AKAP13: variants seen among roughly 807,000 people sequenced by gnomAD.
AKAP13 encodes A-kinase anchoring protein 13.
In AKAP13, 80 loss-of-function variants were observed where a neutral mutation model predicts 264.5. The ratio of observed to expected loss-of-function variants is 0.30; its 90% CI spans 0.25 to 0.36. The LOEUF (loss-of-function observed/expected upper bound fraction) is 0.36, where lower values mean the gene tolerates loss of function less well. Among genes scored for constraint, AKAP13 ranks in the 10% least tolerant of loss-of-function variants. The pLI, the probability that AKAP13 is intolerant of heterozygous loss-of-function variation, is 1.00. For synonymous variants in AKAP13, 1,380 were observed against 1,250.2 expected, an observed-to-expected ratio of 1.10 and a Z score of -2.19; for missense variants, 3,712 against 3,435.2, an observed-to-expected ratio of 1.08 and a Z score of -2.01.
Position 85,727,363 on chromosome 15 carries a change from T to C in AKAP13, c.7005-18T>C. 3 of 1,614,158 alleles carry C rather than the reference T, an allele frequency of 1.9e-6. No individual in the cohort carries two copies. The highest frequency in any genetic ancestry group is 2.5e-6 in the Non-Finnish European group (3 of 1,179,992). ...CATCTTAGGAATTTTTTGTTCTGTC[T>C]TGTTTGGGTTGTATTAGGAACAGAG... On this transcript the variant is annotated intron_variant, in intron 28 of 36. Coordinates refer to ENST00000394518, the MANE Select transcript of AKAP13 (RefSeq NM_007200.5). This position sits in a 1 kb window ranked among gnomAD's most constrained non-coding sequence, Gnocchi z 5.3.
At chr15:85,620,694 A>C (rs1419394031) in intron 8 of AKAP13, among the ~76,000 whole-genome samples, 1 of 152,146 alleles carries the variant, frequency 6.6e-6, no homozygotes, top group African/African-American at 2.4e-5. Flanking sequence ...CAATAAACCT[A>C]TCTATTAAGG....
At chr15:85,412,022 A>G (rs2071995810) in intron 1 of AKAP13, among the ~76,000 whole-genome samples, 1 of 152,230 alleles carries the variant, frequency 6.6e-6, no homozygotes, top group Non-Finnish European at 1.5e-5. Flanking sequence ...GATTTTTGAT[A>G]TTGTATAATG....
intron 1 of AKAP13, among the ~76,000 whole-genome samples, chr15:85,458,324 G>A (rs1343904394): frequency 2.0e-5 from 3 of 150,256 alleles, no homozygotes; most frequent in Non-Finnish European, 3.0e-5. Context: ...TAATTTCTAG[G>A]AATAATCACT....
chr15:85,415,134 G>T, intron 1 of AKAP13: 1 of 734,484 alleles, frequency 1.4e-6, no homozygotes, highest in South Asian at 1.6e-5. Flanking sequence ...AGGAGTTTCA[G>T]AGGGAAATAC....
At chr15:85,598,033 A>G (rs971856044) in intron 8 of AKAP13, among the ~76,000 whole-genome samples, 2 of 152,204 alleles carry the variant, frequency 1.3e-5, no homozygotes, top group African/African-American at 2.4e-5. Flanking sequence ...TATGAAAATA[A>G]TAACTCAAGG....
intron 1 of AKAP13, among the ~76,000 whole-genome samples, chr15:85,408,932 C>A (rs1447292942): frequency 6.6e-6 from 1 of 151,704 alleles, no homozygotes; most frequent in Non-Finnish European, 1.5e-5. Context: ...TACCATTTTA[C>A]ATTTCTAACA....
rs1196077573 is a variant in AKAP13 at position 85,580,066 on chromosome 15, A to T, written c.1998A>T (p.Ala666=). The change falls in exon 7 of 37, where the codon GCA becomes GCT. Residue 666 remains alanine, a synonymous_variant. Coordinates refer to ENST00000394518, the MANE Select transcript of AKAP13 (RefSeq NM_007200.5). ...ACGATAAACTTTGTGCAGACTCTGCATGTCAACAGAACACAGTGACTTCTA... is the reference window on the plus strand; with the variant it reads ...ACGATAAACTTTGTGCAGACTCTGCTTGTCAACAGAACACAGTGACTTCTA... ...TGDDKLCADS[A]CQQNTVTSSG... is the part of the protein sequence containing the mutation. The T allele has an allele frequency of 6.2e-7, 1 of 1,614,116 alleles. No individual in the cohort carries two copies. Among genetic ancestry groups the T allele is most frequent in the East Asian group, 2.2e-5 (1 of 44,900 alleles).
In AKAP13 at chr15:85,579,524, C is replaced by G. The variant is rs2079114871; in HGVS notation, c.1456C>G (p.Leu486Val). 1 of 1,614,134 alleles carries G rather than the reference C, an allele frequency of 6.2e-7. No individual in the cohort carries two copies. The highest frequency in any genetic ancestry group is 1.7e-5 in the Admixed American group (1 of 60,016). ...PDTAGEMEHG[L>V]MNPDATVWKN... ...CACTGCAGGGGAAATGGAACATGGG[C>G]TCATGAACCCAGATGCCACTGTTTG... The change falls in exon 7 of 37, where the codon CTC becomes GTC. Residue 486 changes from leucine to valine, a missense_variant. Transcript: ENST00000394518.
intron 31 of AKAP13, 136 bp from the exon 32 acceptor site, chr15:85,735,424 C>T: frequency 1.1e-6 from 1 of 918,572 alleles, no homozygotes; most frequent in South Asian, 1.8e-5. Context: ...TTAGCTGCCA[C>T]CAAGCAGCTC....
At chr15:85,590,779 G>A (rs1226628078) in intron 8 of AKAP13, among the ~76,000 whole-genome samples, 2 of 152,110 alleles carry the variant, frequency 1.3e-5, no homozygotes, top group Non-Finnish European at 2.9e-5. Context: ...CCACCTGTAT[G>A]CTTTACTGGT....
chr15:85,607,174 T>G (rs775085873), intron 8 of AKAP13, among the ~76,000 whole-genome samples: 2 of 152,112 alleles, frequency 1.3e-5, no homozygotes, highest in Non-Finnish European at 2.9e-5. Flanking sequence ...AGTAGTTCCT[T>G]TATTCTTAGT....
chr15:85,511,944 T>C (rs528473650), intron 2 of AKAP13, among the ~76,000 whole-genome samples: 1 of 152,212 alleles, frequency 6.6e-6, no homozygotes, highest in Admixed American at 6.5e-5. Flanking sequence ...TTCTTTTTCC[T>C]TCTTAGGACG....
At chr15:85,604,952 A>G (rs1313722693) in intron 8 of AKAP13, among the ~76,000 whole-genome samples, 2 of 152,196 alleles carry the variant, frequency 1.3e-5, no homozygotes, top group African/African-American at 4.8e-5. Flanking sequence ...TAGGGCAGTC[A>G]GAAGAGAGAT....
rs148119558 is a variant in AKAP13 at position 85,658,635 on chromosome 15, G to A, written c.4799+45G>A. 1.3e-5 allele frequency: 20 copies of A among 1,533,006 alleles called. No individual in the cohort carries two copies. In the Admixed American group the frequency reaches 1.4e-4, roughly 10 times the overall value. The allele number at this position is 1,533,006 out of a possible 1,614,324, so 95.0% of individuals were successfully genotyped here. On this transcript the variant is annotated intron_variant, in intron 12 of 36. Coordinates refer to ENST00000394518, the MANE Select transcript of AKAP13 (RefSeq NM_007200.5). ...GATGGACTAACCATGTCACCTCTGA[G>A]CATATACTAACAAGCATCTCATTCT...
chr15:85,673,433 A>G (rs376998610), intron 14 of AKAP13, among the ~76,000 whole-genome samples: 6 of 152,098 alleles, frequency 3.9e-5, no homozygotes, highest in African/African-American at 1.4e-4. Context: ...TCGCAGTAGC[A>G]CAGGTGCTGG....
At chr15:85,492,120 TTAA>T (rs1298253904) in intron 2 of AKAP13, among the ~76,000 whole-genome samples, 1 of 152,216 alleles carries the variant, frequency 6.6e-6, no homozygotes, top group Non-Finnish European at 1.5e-5. Context: ...GTCATAGCAC[TTAA>T]TATTATAGAG....
intron 3 of AKAP13, among the ~76,000 whole-genome samples, chr15:85,528,580 C>A (rs1243296803): frequency 1.3e-5 from 2 of 152,148 alleles, no homozygotes; most frequent in African/African-American, 4.8e-5. Flanking sequence ...GGAAAACAGG[C>A]TTCAAGGTTG....
chr15:85,668,225 A>G (rs1279443273), intron 13 of AKAP13, among the ~76,000 whole-genome samples: 1 of 152,234 alleles, frequency 6.6e-6, no homozygotes, highest in Admixed American at 6.5e-5. Context: ...CAAGCTCTAA[A>G]TAATCAGAAG....
At chr15:85,391,277 A>C (rs940680795) in intron 1 of AKAP13, among the ~76,000 whole-genome samples, 5 of 152,050 alleles carry the variant, frequency 3.3e-5, no homozygotes, top group Non-Finnish European at 7.4e-5. Flanking sequence ...ATATTAGTGA[A>C]CTCTATTTTC....
Sources: allele counts gnomAD v4.1 joint callset (sites outside exome capture counted in the v4.1 genomes callset), GRCh38; gene constraint gnomAD v4.1.1; non-coding constraint Gnocchi (gnomAD v3.1); transcripts MANE v1.5; gene names NCBI Gene and HGNC (gene_info 2026-07-23, HGNC 2026-07-21).